COL1A1: variants seen among roughly 807,000 people sequenced by gnomAD.
COL1A1 encodes collagen type I alpha 1 chain.
In COL1A1, 21 loss-of-function variants were observed where a neutral mutation model predicts 195.7. That is an observed-to-expected ratio of 0.11 (90% confidence interval 0.08 to 0.15). The LOEUF (loss-of-function observed/expected upper bound fraction) is 0.15. Ranked by LOEUF, COL1A1 falls within the 10% of genes least tolerant of loss-of-function variation. COL1A1 has a pLI of 1.00. For synonymous variants in COL1A1, 749 were observed against 747.3 expected, an observed-to-expected ratio of 1.00 and a Z score of -0.04; for missense variants, 1,365 against 2,051.0, an observed-to-expected ratio of 0.67 and a Z score of 6.46.
In COL1A1 at chr17:50,195,314, G is replaced by C; in HGVS notation, c.1217C>G (p.Ala406Gly). ...GGCACCAGGGAAGCCAGGAGCACCA[G>C]CAATACCAGGAGCACCCTGTGGGAG... is the stretch of plus-strand genomic sequence containing the variant. ...AKGANGAPGIAGAPGFPGARG... is the reference protein window; with the variant it reads ...AKGANGAPGIGGAPGFPGARG... Residue 406 changes from alanine (A) to glycine (G), a missense_variant, in exon 19 of 51, where the codon GCT becomes GGT. Ala to Gly is a moderately conservative substitution (Grantham distance 60). Coordinates refer to ENST00000225964, the MANE Select transcript of COL1A1 (RefSeq NM_000088.4). The surrounding 1 kb of genome is among the most constrained non-coding windows in gnomAD (Gnocchi z 4.3). The C allele has an allele frequency of 1.9e-6, 3 of 1,613,948 alleles. No individual in the cohort carries two copies. The highest frequency in any genetic ancestry group is 1.1e-5 in the South Asian group (1 of 91,080).
Position 50,190,449 on chromosome 17 carries a change from G to C in COL1A1, c.2398-69C>G, listed in dbSNP as rs1906981910. 2.6e-5 allele frequency: 41 copies of C among 1,574,358 alleles called. No homozygotes were observed. The highest frequency in any genetic ancestry group is 3.5e-5 in the Non-Finnish European group (40 of 1,143,844). ...GGAAGGCGGGGATGCGGTGAGGGGA[G>C]AGGCAAGGGGTGAAGGCACAGACAG... On this transcript the variant is annotated intron_variant, in intron 34 of 50. Transcript: ENST00000225964. The surrounding 1 kb of genome is among the most constrained non-coding windows in gnomAD (Gnocchi z 4.7).
chr17:50,194,668 G>T lies in COL1A1; in HGVS notation c.1462-42C>A, dbSNP rs1907409083. On this transcript the variant is annotated intron_variant, in intron 21 of 50. Coordinates refer to ENST00000225964, the MANE Select transcript of COL1A1 (RefSeq NM_000088.4). The surrounding 1 kb of genome is among the most constrained non-coding windows in gnomAD (Gnocchi z 6.8). Reference sequence around the variant, plus strand: ...GGCCAGTGAACTCCGCGACACACAGGCACCAGCCAGGCAATGAGGGTGGAG... The same window carrying T: ...GGCCAGTGAACTCCGCGACACACAGTCACCAGCCAGGCAATGAGGGTGGAG... The T allele has an allele frequency of 6.4e-7, 1 of 1,557,626 alleles. No homozygotes were observed. Among genetic ancestry groups the T allele is most frequent in the Non-Finnish European group, 8.7e-7 (1 of 1,150,148 alleles).
At chr17:50,192,336 T>A in intron 29 of COL1A1, 139 bp downstream of exon 29, 1 of 998,210 alleles carries the variant, frequency 1.0e-6, no homozygotes, top group South Asian at 1.4e-5. Flanking sequence ...TCTGTGCTGC[T>A]CCCTTCATGG....
chr17:50,196,872 T>G, intron 11 of COL1A1, 138 bp downstream of exon 11: 1 of 1,133,822 alleles, frequency 8.8e-7, no homozygotes, highest in Non-Finnish European at 1.3e-6. Flanking sequence ...TGCTTTTGGA[T>G]GTCCACTCTC....
At chr17:50,199,711 AGGCCCCAG>A in intron 2 of COL1A1, 34 bp downstream of exon 2, 1 of 218,716 alleles carries the variant, frequency 4.6e-6, no homozygotes, top group Non-Finnish European at 7.7e-6. Flanking sequence ...CCCAGGCCCC[AGGCCCCAG>A]GCCCCAGGCC....
intron 5 of COL1A1, 100 bp from the exon 6 acceptor site, chr17:50,198,604 A>G (rs1472538111): frequency 1.1e-6 from 1 of 912,462 alleles, no homozygotes; most frequent in Non-Finnish European, 1.8e-6. Flanking sequence ...TCCTGGTGTG[A>G]TGTGCTGAGA....
chr17:50,185,405 T>C lies in COL1A1; in HGVS notation c.*97A>G. 7.3e-7 allele frequency: 1 copy of C among 1,365,094 alleles called. No homozygotes were observed. Among genetic ancestry groups the C allele is most frequent in the Non-Finnish European group, 1.0e-6 (1 of 958,136 alleles). The allele number at this position is 1,365,094 out of a possible 1,614,324, so 84.6% of individuals were successfully genotyped here. ...CCATGTGAAATTGTCTCCCATTTTT[T>C]GGCTTTTGAGGGGGTTCAGTTTGGG... On this transcript the variant is annotated 3_prime_UTR_variant, in exon 51 of 51. Transcript: ENST00000225964.
intron 13 of COL1A1, 29 bp from the exon 14 acceptor site, chr17:50,196,396 G>A (rs373387795): frequency 6.2e-7 from 1 of 1,614,088 alleles, no homozygotes; most frequent in Non-Finnish European, 8.5e-7. Flanking sequence ...GAAGTCAGAT[G>A]AGATGGGAGA....
At position 50,194,877 on chromosome 17, in the gene COL1A1, G is replaced by C. The variant is rs775763927; in HGVS notation, c.1354-49C>G. 2.6e-6 allele frequency: 4 copies of C among 1,558,700 alleles called. No individual in the cohort carries two copies. The highest frequency in any genetic ancestry group is 3.5e-6 in the Non-Finnish European group (4 of 1,142,240). ...GCGGCCTGTGGTGAGGGGCCATCCT[G>C]TGCCAGCCTCAGAGCCGGCTGAGGC... On this transcript the variant is annotated intron_variant, in intron 20 of 50. Coordinates refer to ENST00000225964, the MANE Select transcript of COL1A1 (RefSeq NM_000088.4). The surrounding 1 kb of genome is among the most constrained non-coding windows in gnomAD (Gnocchi z 6.8).
Position 50,185,570 on chromosome 17 carries a change from C to A in COL1A1, c.4327G>T (p.Ala1443Ser). 6.2e-7 allele frequency: 1 copy of A among 1,613,064 alleles called. No homozygotes were observed. Among genetic ancestry groups the A allele is most frequent in the South Asian group, 1.1e-5 (1 of 91,004 alleles). Residue 1443 changes from alanine (A) to serine (S), a missense_variant, in exon 51 of 51, where the codon GCC (alanine) becomes TCC (serine). By Grantham distance (99) the Ala-to-Ser change is moderately conservative (BLOSUM62 1). This residue lies in a region of COL1A1 where 273 missense variants were observed against 338.6 expected (regional missense o/e 0.81). Transcript: ENST00000225964. ...KTSRLPIIDVAPLDVGAPDQE... is the reference protein window; with the variant it reads ...KTSRLPIIDVSPLDVGAPDQE... Reference sequence around the variant, plus strand: ...TCTGGGGCACCAACGTCCAAGGGGGCCACATCGATGATGGGCAGGCGGGAG... The same window carrying A: ...TCTGGGGCACCAACGTCCAAGGGGGACACATCGATGATGGGCAGGCGGGAG...
chr17:50,201,412 G>C lies in COL1A1; in HGVS notation c.102C>G (p.Asp34Glu). ...EEGQVEGQDEDIPPITCVQNG... is the reference protein window; with the variant it reads ...EEGQVEGQDEEIPPITCVQNG... The stretch of plus-strand genomic sequence containing the variant: ...CACTCCCAAAAGTTTGGGACTTACT[G>C]TCTTCGTCTTGGCCCTCGACTTGGC... Residue 34 changes from aspartate to glutamate, a missense_variant and splice_region_variant, in exon 1 of 51, where the codon GAC becomes GAG. Physicochemically the swap from Asp to Glu is conservative, Grantham distance 45. Around this residue, in one of 5 missense-constraint regions of COL1A1, gnomAD observed 194 missense variants for 221.7 expected, o/e 0.88. Transcript: ENST00000225964. 6.2e-7 allele frequency: 1 copy of C among 1,613,764 alleles called. No homozygotes were observed. The highest frequency in any genetic ancestry group is 8.5e-7 in the Non-Finnish European group (1 of 1,180,010).
chr17:50,199,339 G>C lies in COL1A1; in HGVS notation c.370-12C>G. On this transcript the variant is annotated splice_polypyrimidine_tract_variant and intron_variant, in intron 4 of 50. Coordinates refer to ENST00000225964, the MANE Select transcript of COL1A1 (RefSeq NM_000088.4). ...GGGCCTGCGGGTCCCTGCAGGGGGA[G>C]AGGGCGGGGCCGGGGTGAGCGTGGG... The C allele has an allele frequency of 6.3e-7, 1 of 1,577,908 alleles. No homozygotes were observed. The highest frequency in any genetic ancestry group is 8.6e-7 in the Non-Finnish European group (1 of 1,161,668).
chr17:50,191,747 C>A, intron 31 of COL1A1, 41 bp downstream of exon 31: 1 of 1,547,526 alleles, frequency 6.5e-7, no homozygotes. Flanking sequence ...GAGACCTGGT[C>A]CCTGGGCCAC....
chr17:50,193,683 A>T, intron 25 of COL1A1: 3 of 464,516 alleles, frequency 6.5e-6, no homozygotes, highest in Middle Eastern at 1.3e-3. Context: ...TGGTTTCACT[A>T]TGTTGGCCCG....
In COL1A1 at chr17:50,190,329, G is replaced by T. The variant is rs769167761; in HGVS notation, c.2449C>A (p.Pro817Thr). Residue 817 changes from proline (P) to threonine (T), a missense_variant and splice_region_variant, in exon 35 of 51, where the codon CCT (proline) becomes ACT (threonine). Around this residue, in one of 5 missense-constraint regions of COL1A1, gnomAD observed 671 missense variants for 1,099.9 expected, o/e 0.61. Transcript: ENST00000225964. The surrounding 1 kb of genome is among the most constrained non-coding windows in gnomAD (Gnocchi z 4.7). Reference protein sequence around the residue: ...PPGPAGFAGPPGADGQPGAKG... With the variant: ...PPGPAGFAGPTGADGQPGAKG... ...ATGATGGGGGTCTTGGTACTCACAGGGGGGCCAGCAAAGCCAGCAGGGCCG... is the reference window on the plus strand; with the variant it reads ...ATGATGGGGGTCTTGGTACTCACAGTGGGGCCAGCAAAGCCAGCAGGGCCG... 2.5e-6 allele frequency: 4 copies of T among 1,591,236 alleles called. No individual in the cohort carries two copies. Among genetic ancestry groups the T allele is most frequent in the Non-Finnish European group, 3.5e-6 (4 of 1,159,176 alleles).
In COL1A1 at chr17:50,192,522, G is replaced by A; in HGVS notation, c.1936C>T (p.Pro646Ser). Reference protein sequence around the residue: ...PAGSPGFQGLPGPAGPPGEAG... With the variant: ...PAGSPGFQGLSGPAGPPGEAG... ...TCACCTGGAGGACCAGCAGGACCAG[G>A]GAGACCCTGTAGGTGGGAAATGGGG... Residue 646 changes from proline to serine, a missense_variant, in exon 29 of 51, where the codon CCT (proline) becomes TCT (serine). This residue lies in a region of COL1A1 where 671 missense variants were observed against 1,099.9 expected (regional missense o/e 0.61). Coordinates refer to ENST00000225964, the MANE Select transcript of COL1A1 (RefSeq NM_000088.4). 2 of 1,614,068 alleles carry A rather than the reference G, an allele frequency of 1.2e-6. No homozygotes were observed. The highest frequency in any genetic ancestry group is 2.2e-5 in the South Asian group (2 of 91,078).
Position 50,190,773 on chromosome 17 carries a change from G to C in COL1A1, c.2343+44C>G. On this transcript the variant is annotated intron_variant, in intron 33 of 50. Coordinates refer to ENST00000225964, the MANE Select transcript of COL1A1 (RefSeq NM_000088.4). The surrounding 1 kb of genome is among the most constrained non-coding windows in gnomAD (Gnocchi z 4.7). ...CGGAACCGTGCCCAGGCCTGCTGAG[G>C]AGGCTATGTGTTAGGGCAGAAGGTG... 1 of 1,560,274 alleles carries C rather than the reference G, an allele frequency of 6.4e-7. No homozygotes were observed. Among genetic ancestry groups the C allele is most frequent in the Non-Finnish European group, 8.8e-7 (1 of 1,131,434 alleles).
Position 50,191,776 on chromosome 17 carries a change from C to T in COL1A1, c.2127+12G>A, listed in dbSNP as rs778814970. On this transcript the variant is annotated intron_variant, in intron 31 of 50. Transcript: ENST00000225964. ...GGGCCACTTGCCAGAGCCCCTTCCA[C>T]GCTGCCCTCACCTTAGCACCATCGT... The T allele has an allele frequency of 3.9e-5, 61 of 1,565,610 alleles. No individual in the cohort carries two copies. Among genetic ancestry groups the T allele is most frequent in the African/African-American group, 3.1e-4 (23 of 73,920 alleles).
Position 50,199,926 on chromosome 17 carries a change from T to C in COL1A1, c.125A>G (p.Gln42Arg), listed in dbSNP as rs367643097. 33 of 1,614,066 alleles carry C rather than the reference T, an allele frequency of 2.0e-5. No homozygotes were observed. The Middle Eastern group carries it at 4.9e-4, about 24-fold the overall frequency. The change falls in exon 2 of 51, where the codon CAG (glutamine) becomes CGG (arginine). Residue 42 changes from glutamine (Q) to arginine (R), a missense_variant. Around this residue, in one of 5 missense-constraint regions of COL1A1, gnomAD observed 194 missense variants for 221.7 expected, o/e 0.88. Coordinates refer to ENST00000225964, the MANE Select transcript of COL1A1 (RefSeq NM_000088.4). ...DEDIPPITCV[Q>R]NGLRYHDRDV... ...TCGGTCATGGTACCTGAGGCCGTTC[T>C]GTACGCAGGTGATTGGTGGGACTGG... is the stretch of plus-strand genomic sequence containing the variant.
Sources: gnomAD v4.1 joint callset for allele counts on GRCh38, gnomAD v4.1.1 for gene constraint, gnomAD v4.1.1 regional missense constraint, Gnocchi (gnomAD v3.1) non-coding constraint, MANE v1.5 for transcripts, NCBI Gene and HGNC (gene_info 2026-07-23, HGNC 2026-07-21) for gene names.